SF3B1: variants seen among roughly 807,000 people sequenced by gnomAD.
SF3B1 encodes the protein pre-mRNA processing 10.
Under a neutral mutation model 153.8 loss-of-function variants are expected in SF3B1, and 12 were observed. The ratio of observed to expected loss-of-function variants is 0.08; its 90% confidence interval spans 0.05 to 0.13. SF3B1 has a LOEUF of 0.13. Ranked by LOEUF, SF3B1 falls within the 10% of genes least tolerant of loss-of-function variation. SF3B1 has a pLI of 1.00. For synonymous variants in SF3B1, 498 were observed against 525.2 expected (o/e 0.95, Z 0.71); for missense variants, 513 against 1,606.1 (o/e 0.32, Z 11.63).
At position 197,392,351 on chromosome 2, in the gene SF3B1, G is replaced by A. The variant is rs78516934; in HGVS notation, c.3867C>T (p.Asn1289=). The change falls in exon 25 of 25, where the codon AAC becomes AAT. Residue 1289 remains asparagine, a synonymous_variant. Coordinates refer to ENST00000335508, the MANE Select transcript of SF3B1 (RefSeq NM_012433.4). ...ALIAHYPRIY[N]DDKNTYIRYE... is the part of the protein sequence containing the mutation. ...AACGAATATAGGTGTTCTTATCATCGTTGTAGATTCTTGGGTAATGTGCTA... is the reference window on the plus strand; with the variant it reads ...AACGAATATAGGTGTTCTTATCATCATTGTAGATTCTTGGGTAATGTGCTA... 8.6e-3 allele frequency: 13,252 copies of A among 1,534,372 alleles called. 69 individuals are homozygous for A. The highest frequency in any genetic ancestry group is 0.011 in the Non-Finnish European group (11,857 of 1,107,862).
rs2084814801 is a variant in SF3B1, at chr2:197,392,051, T to A, written c.*252A>T. ...ACAAGGAATGAGTTCTAAATCTTCA[T>A]AAAGATGAATTAAAAATGAAATCCC... On this transcript the variant is annotated 3_prime_UTR_variant, in exon 25 of 25. Coordinates refer to ENST00000335508, the MANE Select transcript of SF3B1 (RefSeq NM_012433.4). The A allele has an allele frequency of 3.5e-6, 1 of 287,416 alleles. No individual in the cohort carries two copies. Among genetic ancestry groups the A allele is most frequent in the Non-Finnish European group, 6.5e-6 (1 of 155,032 alleles). The allele number at this position is 287,416 out of a possible 1,614,324, so 17.8% of individuals were successfully genotyped here.
In SF3B1 at chr2:197,420,989, CTTTAGCTGAATAAACTATGCT is replaced by C. The variant is rs936200231; in HGVS notation, c.300+19_300+39del. The C allele has an allele frequency of 3.8e-6, 5 of 1,300,530 alleles. No individual in the cohort carries two copies. The African/African-American group carries it at 7.4e-5, about 19-fold the overall frequency. The allele number at this position is 1,300,530 out of a possible 1,614,324, so 80.6% of individuals were successfully genotyped here. A position where few individuals can be genotyped will look rare whatever the true frequency, so the allele number is the denominator to read the frequency against. On this transcript the variant is annotated intron_variant, in intron 3 of 24. Transcript: ENST00000335508. ...TATGGGAACTCAGACATTCACTTTT[CTTTAGCTGAATAAACTATGCT>C]TTTAAAATGAAAGATCACCTGTTCT...
Position 197,401,793 on chromosome 2 carries a change from A to G in SF3B1, c.2319T>C (p.Leu773=), listed in dbSNP as rs2084939669. ...NYYTREVMLI[L]IREFQSPDEE... is the part of the protein sequence containing the mutation. ...CATCAGGAGACTGGAATTCTCGAAT[A>G]AGGATTAACATCACTTCTCTAGTAT... The change falls in exon 16 of 25, where the codon CTT becomes CTC. Residue 773 remains leucine, a synonymous_variant. Coordinates refer to ENST00000335508, the MANE Select transcript of SF3B1 (RefSeq NM_012433.4). The surrounding 1 kb of genome is among the most constrained non-coding windows in gnomAD (Gnocchi z 4.2). The G allele has an allele frequency of 6.2e-7, 1 of 1,612,166 alleles. No homozygotes were observed. The highest frequency in any genetic ancestry group is 1.7e-5 in the Admixed American group (1 of 59,564).
chr2:197,414,611 A>G lies in SF3B1; in HGVS notation c.666+2130T>C, dbSNP rs560395612. On this transcript the variant is annotated intron_variant, in intron 6 of 24. Coordinates refer to ENST00000335508, the MANE Select transcript of SF3B1 (RefSeq NM_012433.4). ...TTTTAAATTTATCAATTAGGGGCCAAGTGACCTTGACAAGAGATTTTAGGT... is the reference window on the plus strand; with the variant it reads ...TTTTAAATTTATCAATTAGGGGCCAGGTGACCTTGACAAGAGATTTTAGGT... Among the ~76,000 whole-genome samples, 9 of 152,364 alleles carry G rather than the reference A, an allele frequency of 5.9e-5. No homozygotes were observed. The South Asian group carries it at 1.2e-3, about 21-fold the overall frequency.
At chr2:197,414,326 C>T (rs111959840) in intron 6 of SF3B1, among the ~76,000 whole-genome samples, 3 of 152,110 alleles carry the variant, frequency 2.0e-5, no homozygotes, top group East Asian at 3.8e-4. Context: ...CTTATACAAA[C>T]GGTACATAAA....
chr2:197,400,480 C>A lies in SF3B1; in HGVS notation c.2719-46G>T. On this transcript the variant is annotated intron_variant, in intron 18 of 24. Coordinates refer to ENST00000335508, the MANE Select transcript of SF3B1 (RefSeq NM_012433.4). The surrounding 1 kb of genome is among the most constrained non-coding windows in gnomAD (Gnocchi z 5.0). ...AAAGACATATTCATTTGGTTTATGA[C>A]TGCACAGTTGAAATACACTAAGAGT... 1 of 1,497,284 alleles carries A rather than the reference C, an allele frequency of 6.7e-7. No homozygotes were observed. Among genetic ancestry groups the A allele is most frequent in the Non-Finnish European group, 9.1e-7 (1 of 1,102,574 alleles). The allele number at this position is 1,497,284 out of a possible 1,614,324, so 92.7% of individuals were successfully genotyped here.
chr2:197,416,701 A>AC, intron 6 of SF3B1, 40 bp downstream of exon 6: 1 of 1,582,440 alleles, frequency 6.3e-7, no homozygotes, highest in Non-Finnish European at 8.6e-7. Context: ...AACAGAAAAA[A>AC]ATTTTTTAAC....
At chr2:197,428,275 C>T (rs1190856183) in intron 1 of SF3B1, among the ~76,000 whole-genome samples, 1 of 152,096 alleles carries the variant, frequency 6.6e-6, no homozygotes, top group African/African-American at 2.4e-5. Flanking sequence ...GAGCTGAGAT[C>T]ACACCACTGC....
intron 1 of SF3B1, among the ~76,000 whole-genome samples, chr2:197,426,184 G>A (rs2085334032): frequency 6.6e-6 from 1 of 151,850 alleles, no homozygotes. Context: ...ATCCTCACAT[G>A]AGCAGGGTGG....
At position 197,399,047 on chromosome 2, in the gene SF3B1, A is replaced by G; in HGVS notation, c.3014-466T>C. On this transcript the variant is annotated intron_variant, in intron 20 of 24. Coordinates refer to ENST00000335508, the MANE Select transcript of SF3B1 (RefSeq NM_012433.4). Reference sequence around the variant, plus strand: ...TTGGATGGTATTTACACCTACGAAGAGAGAAAAAAGGAGGCAGCTGGCAGG... The same window carrying G: ...TTGGATGGTATTTACACCTACGAAGGGAGAAAAAAGGAGGCAGCTGGCAGG... 2.3e-6 allele frequency: 3 copies of G among 1,300,582 alleles called. No individual in the cohort carries two copies. In the South Asian group the frequency reaches 3.7e-5, roughly 16 times the overall value. 80.6% of individuals were successfully genotyped at this position (1,300,582 alleles called of 1,614,324 possible).
rs117155573 is a variant in SF3B1, at chr2:197,432,754, T to C, written c.28+2218A>G. ...TGGTGGCACATGCCTGCGATACTAG[T>C]ACTCAGGAGGCTGAAGCAGGACAAT... On this transcript the variant is annotated intron_variant, in intron 1 of 24. Coordinates refer to ENST00000335508, the MANE Select transcript of SF3B1 (RefSeq NM_012433.4). Among the ~76,000 whole-genome samples, 146 of 152,108 alleles carry C rather than the reference T, an allele frequency of 9.6e-4. 2 individuals carry two copies. In the East Asian group the frequency reaches 0.027, roughly 28 times the overall value.
chr2:197,419,037 T>G (rs1465398369), intron 4 of SF3B1: 1 of 1,043,970 alleles, frequency 9.6e-7, no homozygotes, highest in African/African-American at 1.6e-5. Flanking sequence ...GTTAAAATCC[T>G]GACTACAAAT....
At chr2:197,413,030 G>C (rs1348286309) in intron 6 of SF3B1, among the ~76,000 whole-genome samples, 1 of 144,798 alleles carries the variant, frequency 6.9e-6, no homozygotes, top group East Asian at 2.2e-4. Flanking sequence ...TGTGCATACA[G>C]TTAAACAATT....
At position 197,403,082 on chromosome 2, in the gene SF3B1, G is replaced by C. The variant is rs748352456; in HGVS notation, c.1720-47C>G. On this transcript the variant is annotated intron_variant, in intron 12 of 24. Coordinates refer to ENST00000335508, the MANE Select transcript of SF3B1 (RefSeq NM_012433.4). ...AAGCTACACTTTCACATCAATTACT[G>C]ATGAAATGCTCATGTACAGAATTAA... 4 of 1,311,300 alleles carry C rather than the reference G, an allele frequency of 3.1e-6. No homozygotes were observed. In the South Asian group the frequency reaches 4.9e-5, roughly 16 times the overall value. The allele number at this position is 1,311,300 out of a possible 1,614,324, so 81.2% of individuals were successfully genotyped here. A position where few individuals can be genotyped will look rare whatever the true frequency, so the allele number is the denominator to read the frequency against.
rs777897608 is a variant in SF3B1, at chr2:197,400,463, A to G, written c.2719-29T>C. The G allele has an allele frequency of 1.3e-6, 2 of 1,565,460 alleles. No individual in the cohort carries two copies. The highest frequency in any genetic ancestry group is 1.9e-5 in the Admixed American group (1 of 53,032). ...AAAAATAAATTTAAAAAAAAGACAT[A>G]TTCATTTGGTTTATGACTGCACAGT... On this transcript the variant is annotated intron_variant, in intron 18 of 24. Coordinates refer to ENST00000335508, the MANE Select transcript of SF3B1 (RefSeq NM_012433.4). This position sits in a 1 kb window ranked among gnomAD's most constrained non-coding sequence, Gnocchi z 5.0.
chr2:197,402,982 C>G lies in SF3B1; in HGVS notation c.1773G>C (p.Val591=). The stretch of plus-strand genomic sequence containing the variant: ...AATTAGAAATGATCTCTCGGCCTTC[C>G]ACTCTAGCATAGTAATCTTCATCAA... ...LLIDEDYYAR[V]EGREIISNLA... The change falls in exon 13 of 25, where the codon GTG becomes GTC. Residue 591 remains valine, a synonymous_variant. Transcript: ENST00000335508. The surrounding 1 kb of genome is among the most constrained non-coding windows in gnomAD (Gnocchi z 4.6). The G allele has an allele frequency of 6.2e-7, 1 of 1,613,862 alleles. No homozygotes were observed. The highest frequency in any genetic ancestry group is 8.5e-7 in the Non-Finnish European group (1 of 1,179,898).
chr2:197,405,017 A>AC (rs2084975233), intron 11 of SF3B1, 59 bp downstream of exon 11: 8 of 1,227,038 alleles, frequency 6.5e-6, no homozygotes, highest in Non-Finnish European at 6.8e-6. Flanking sequence ...AAAACTACAA[A>AC]TTTTTTTTAA....
chr2:197,419,763 A>G (rs1213888027), intron 4 of SF3B1: 2 of 223,396 alleles, frequency 9.0e-6, no homozygotes, highest in Admixed American at 5.7e-5. Context: ...GCAGGCTGAA[A>G]AGTCTAGTAT....
At chr2:197,408,781 G>A (rs1049078916) in intron 7 of SF3B1, 200 bp from the exon 8 acceptor site, 164 of 547,104 alleles carry the variant, frequency 3.0e-4, no homozygotes, top group Non-Finnish European at 4.5e-4. Flanking sequence ...AAAGTAGCCA[G>A]GTGTGGTGGT....
Sources: allele counts gnomAD v4.1 joint callset (sites outside exome capture counted in the v4.1 genomes callset), GRCh38; gene constraint gnomAD v4.1.1; non-coding constraint Gnocchi (gnomAD v3.1); transcripts MANE v1.5; gene names NCBI Gene and HGNC (gene_info 2026-07-23, HGNC 2026-07-21).